Variants in PAK1 observed in about 807,000 individuals in gnomAD.
The protein encoded by PAK1 is p21 (RAC1) activated kinase 1, also known as serine/threonine-protein kinase PAK 1.
In PAK1, 29 loss-of-function variants were observed where a neutral mutation model predicts 67.4. That is an observed-to-expected ratio of 0.43 (90% CI 0.32 to 0.59). The LOEUF is 0.59. Ranked by LOEUF, PAK1 falls within the 20% of genes least tolerant of loss-of-function variation. The pLI, the probability that PAK1 is intolerant of heterozygous loss-of-function variation, is 0.07. For missense variants in PAK1, 337 were observed against 670.7 expected, an observed-to-expected ratio of 0.50 and a Z score of 5.50; for synonymous variants, 223 against 237.4, an observed-to-expected ratio of 0.94 and a Z score of 0.56.
the PAK1 span, among the ~76,000 whole-genome samples, chr11:77,490,291 C>A: frequency 1.9e-3 from 149 of 78,594 alleles, 3 homozygotes; most frequent in African/African-American, 8.9e-3. Context: ...TGGGGGTCAG[C>A]CCCCCCACCC....
At chr11:77,402,685 C>T (rs1199677629) in intron 1 of PAK1, among the ~76,000 whole-genome samples, 2 of 152,130 alleles carry the variant, frequency 1.3e-5, no homozygotes, top group Non-Finnish European at 2.9e-5. Context: ...GTACTGTCTC[C>T]TAGTTGGTTG....
chr11:77,427,917 G>T (rs1241158804), intron 1 of PAK1, among the ~76,000 whole-genome samples: 2 of 152,202 alleles, frequency 1.3e-5, no homozygotes, highest in Non-Finnish European at 2.9e-5. Flanking sequence ...AGACAGTGAA[G>T]AGAGTTGGCT....
intron 11 of PAK1, among the ~76,000 whole-genome samples, chr11:77,337,797 G>C (rs1942957891): frequency 1.3e-5 from 2 of 152,066 alleles, no homozygotes; most frequent in Non-Finnish European, 2.9e-5. Context: ...ACAAATAAGG[G>C]TCATATTTGA....
At chr11:77,515,873 T>C in the PAK1 span, among the ~76,000 whole-genome samples, 1 of 152,186 alleles carries the variant, frequency 6.6e-6, no homozygotes, top group Non-Finnish European at 1.5e-5. Context: ...CCATACTTTC[T>C]GATGTTAGAA....
At chr11:77,384,457 T>G (rs523481) in intron 2 of PAK1, among the ~76,000 whole-genome samples, 32,389 of 152,146 alleles carry the variant, frequency 0.21, 4,585 homozygotes, top group Non-Finnish European at 0.31. Flanking sequence ...AACTTGTATG[T>G]GAATGTTCAC....
intron 2 of PAK1, among the ~76,000 whole-genome samples, chr11:77,383,999 T>C (rs1269886969): frequency 6.6e-6 from 1 of 152,170 alleles, no homozygotes; most frequent in Non-Finnish European, 1.5e-5. Context: ...ATCTGCAAAA[T>C]AGGACAATGG....
chr11:77,453,253 C>T (rs561202483), intron 1 of PAK1, among the ~76,000 whole-genome samples: 1 of 152,096 alleles, frequency 6.6e-6, no homozygotes, highest in Admixed American at 6.5e-5. Context: ...ACTCAGGAGG[C>T]TGAGGCAGAA....
chr11:77,481,201 C>A, the PAK1 span, among the ~76,000 whole-genome samples: 5 of 152,214 alleles, frequency 3.3e-5, no homozygotes, highest in East Asian at 9.6e-4. Context: ...TTAACTACAT[C>A]GTTCCAGTGT....
At chr11:77,411,390 A>T (rs1250776024) in intron 1 of PAK1, among the ~76,000 whole-genome samples, 1 of 151,642 alleles carries the variant, frequency 6.6e-6, no homozygotes, top group Non-Finnish European at 1.5e-5. Context: ...AGTTCACTCA[A>T]CCTCTTAACA....
the PAK1 span, among the ~76,000 whole-genome samples, chr11:77,520,073 C>CGCA: frequency 6.6e-6 from 1 of 151,422 alleles, no homozygotes; most frequent in Non-Finnish European, 1.5e-5. Flanking sequence ...CAAAGCCCTG[C>CGCA]GCAGGTTCCC....
At chr11:77,437,080 AC>A (rs1468317409) in intron 1 of PAK1, among the ~76,000 whole-genome samples, 1 of 152,196 alleles carries the variant, frequency 6.6e-6, no homozygotes, top group Admixed American at 6.5e-5. Context: ...AATTGGGATA[AC>A]AACACTAAAT....
Position 77,380,450 on chromosome 11 carries a change from G to A in PAK1, c.191-456C>T, listed in dbSNP as rs141132525. On this transcript the variant is annotated intron_variant, in intron 2 of 14. Transcript: ENST00000356341. ...AGAGGTTGCAGTGAGCTGAGATCAC[G>A]CCACTGCATTCCAGCCTGGGTGACA... Among the ~76,000 whole-genome samples the A allele has an allele frequency of 3.7e-3, 561 of 152,224 alleles. 4 individuals are homozygous for A. The highest frequency in any genetic ancestry group is 0.013 in the African/African-American group (539 of 41,528).
intron 1 of PAK1, among the ~76,000 whole-genome samples, chr11:77,423,424 C>CAT (rs1955386010): frequency 6.6e-6 from 1 of 150,664 alleles, no homozygotes; most frequent in African/African-American, 2.4e-5. Flanking sequence ...CACACACACA[C>CAT]ACACACACAC....
At chr11:77,397,221 C>T (rs1393796093) in intron 1 of PAK1, 1 of 152,178 alleles carries the variant, frequency 6.6e-6, no homozygotes, top group Non-Finnish European at 1.5e-5. Flanking sequence ...TTACCAATGC[C>T]CCAGAGGCTC....
chr11:77,345,339 C>CAAA (rs5792763), intron 9 of PAK1, among the ~76,000 whole-genome samples: 1 of 149,620 alleles, frequency 6.7e-6, no homozygotes, highest in Non-Finnish European at 1.5e-5. Context: ...TAAATAAAAA[C>CAAA]AAAAAAAAAA....
chr11:77,345,770 G>T (rs1944323595), intron 9 of PAK1, among the ~76,000 whole-genome samples: 1 of 152,180 alleles, frequency 6.6e-6, no homozygotes, highest in South Asian at 2.1e-4. Context: ...AAAGCAACAT[G>T]TTGATCTAAA....
intron 1 of PAK1, among the ~76,000 whole-genome samples, chr11:77,416,785 C>T (rs1236054206): frequency 6.6e-6 from 1 of 152,110 alleles, no homozygotes; most frequent in African/African-American, 2.4e-5. Context: ...AACCCCGTCT[C>T]TACTAAAAAT....
chr11:77,369,787 TTCC>T (rs1380446357), intron 5 of PAK1, among the ~76,000 whole-genome samples: 1 of 152,144 alleles, frequency 6.6e-6, no homozygotes, highest in Admixed American at 6.6e-5. Flanking sequence ...AGAACATTCT[TTCC>T]TCCTCTGATT....
chr11:77,503,669 C>A, the PAK1 span, among the ~76,000 whole-genome samples: 1 of 152,146 alleles, frequency 6.6e-6, no homozygotes, highest in African/African-American at 2.4e-5. Flanking sequence ...TCAAGACCAA[C>A]CTGGCCAACA....
Sources: allele counts gnomAD v4.1 joint callset (sites outside exome capture counted in the v4.1 genomes callset), GRCh38; gene constraint gnomAD v4.1.1; transcripts MANE v1.5; gene names NCBI Gene and HGNC (gene_info 2026-07-23, HGNC 2026-07-21).